Variants in TNS3 observed in about 807,000 individuals in gnomAD.
The protein encoded by TNS3 is tensin 3, also known as tensin-3.
Under a neutral mutation model 140.9 loss-of-function variants are expected in TNS3, and 45 were observed. That is an observed-to-expected ratio of 0.32 (90% CI 0.25 to 0.41). The LOEUF (loss-of-function observed/expected upper bound fraction) is 0.41. Ranked by LOEUF, TNS3 falls within the 10% of genes least tolerant of loss-of-function variation. The probability of loss-of-function intolerance (pLI) is 1.00; values close to 1 mark genes in which losing one functional copy is unlikely to be tolerated. For synonymous variants in TNS3, 815 were observed against 788.4 expected, an observed-to-expected ratio of 1.03 and a Z score of -0.56; for missense variants, 1,716 against 1,906.7, an observed-to-expected ratio of 0.90 and a Z score of 1.86.
At chr7:47,347,434 C>T (rs1332739471) in intron 17 of TNS3, among the ~76,000 whole-genome samples, 1 of 152,152 alleles carries the variant, frequency 6.6e-6, no homozygotes, top group African/African-American at 2.4e-5. Context: ...GAAGGTTCCA[C>T]AGAGAGCGAC....
At chr7:47,285,904 T>C (rs925062148) in intron 27 of TNS3, among the ~76,000 whole-genome samples, 2 of 152,050 alleles carry the variant, frequency 1.3e-5, no homozygotes, top group Non-Finnish European at 2.9e-5. Flanking sequence ...CATGGCAGCA[T>C]GGAAAGACGT....
Position 47,509,367 on chromosome 7 carries a change from C to A in TNS3, c.-152-2423G>T, listed in dbSNP as rs115499715. On this transcript the variant is annotated intron_variant, in intron 2 of 30. Transcript: ENST00000311160. ...GGACTAGGACTTCACACTCGATTGT[C>A]AGCAGCATGGATAATCCTCAGAGTA... 6.5e-3 allele frequency among the ~76,000 whole-genome samples: 993 copies of A among 152,328 alleles called. 16 individuals are homozygous for A. Among genetic ancestry groups the A allele is most frequent in the African/African-American group, 0.023 (947 of 41,570 alleles).
chr7:47,291,930 T>C, intron 27 of TNS3, 25 bp downstream of exon 27: 1 of 1,612,970 alleles, frequency 6.2e-7, no homozygotes, highest in Non-Finnish European at 8.5e-7. Flanking sequence ...TCACCAGATG[T>C]AGAAATGGAG....
At chr7:47,497,662 AACAC>A (rs6150097) in intron 3 of TNS3, among the ~76,000 whole-genome samples, 60 of 91,218 alleles carry the variant, frequency 6.6e-4, no homozygotes, top group African/African-American at 1.0e-3. Flanking sequence ...TCACGTATGG[AACAC>A]ACACACACAC....
At chr7:47,574,967 A>C (rs560515305) in intron 1 of TNS3, among the ~76,000 whole-genome samples, 1 of 152,278 alleles carries the variant, frequency 6.6e-6, no homozygotes, top group East Asian at 1.9e-4. Flanking sequence ...GAAGGTTCTT[A>C]ATGTCGCCTA....
chr7:47,307,035 G>A (rs1372302056), intron 20 of TNS3, among the ~76,000 whole-genome samples: 1 of 151,954 alleles, frequency 6.6e-6, no homozygotes, highest in African/African-American at 2.4e-5. Context: ...TATATATTGA[G>A]GTATAACTAA....
chr7:47,302,373 C>A, intron 22 of TNS3, 101 bp from the exon 23 acceptor site: 4 of 951,596 alleles, frequency 4.2e-6, no homozygotes, highest in South Asian at 2.8e-5. Context: ...ATGCCAAGGG[C>A]AAGCAAGCGA....
chr7:47,388,954 ACAGAAGAAGCAGAAG>A (rs1287595732), intron 16 of TNS3, among the ~76,000 whole-genome samples: 2 of 140,220 alleles, frequency 1.4e-5, no homozygotes, highest in Non-Finnish European at 3.2e-5. Context: ...AGAAGCAGAA[ACAGAAGAAGCAGAAG>A]CAGAAGAAGC....
intron 16 of TNS3, among the ~76,000 whole-genome samples, chr7:47,383,788 C>T (rs1186933569): frequency 6.6e-6 from 1 of 152,154 alleles, no homozygotes; most frequent in Non-Finnish European, 1.5e-5. Flanking sequence ...CTTCTGTGCA[C>T]TGGTCACCGG....
chr7:47,509,165 T>A (rs553779588), intron 2 of TNS3, among the ~76,000 whole-genome samples: 62 of 152,332 alleles, frequency 4.1e-4, no homozygotes, highest in Non-Finnish European at 8.5e-4. Context: ...GATACATTCA[T>A]GGTGGGTGGC....
At chr7:47,322,336 A>C (rs747411318) in intron 20 of TNS3, among the ~76,000 whole-genome samples, 17 of 152,108 alleles carry the variant, frequency 1.1e-4, no homozygotes, top group Non-Finnish European at 2.1e-4. Flanking sequence ...AGCCTGACCA[A>C]CATGGTGAAA....
chr7:47,457,437 C>G (rs976597370), intron 4 of TNS3, among the ~76,000 whole-genome samples: 1 of 152,036 alleles, frequency 6.6e-6, no homozygotes, highest in South Asian at 2.1e-4. Context: ...CTTCCACACA[C>G]GTCATGGATA....
At chr7:47,478,917 G>A (rs755455073) in intron 4 of TNS3, among the ~76,000 whole-genome samples, 13 of 142,672 alleles carry the variant, frequency 9.1e-5, no homozygotes, top group African/African-American at 2.1e-4. Flanking sequence ...GTATTTGTAC[G>A]CACAACAATT....
intron 1 of TNS3, among the ~76,000 whole-genome samples, chr7:47,564,193 C>CAAAAAA (rs57005793): frequency 3.1e-5 from 3 of 97,936 alleles, no homozygotes; most frequent in African/African-American, 8.0e-5. Context: ...GACTCTGTCT[C>CAAAAAA]AAAAAAAAAA....
At chr7:47,278,350 AGCACCCTGCTGGCCACCTGTTCAT>A in intron 30 of TNS3, 130 bp from the exon 31 acceptor site, 1 of 1,067,396 alleles carries the variant, frequency 9.4e-7, no homozygotes, top group Admixed American at 2.7e-5. Flanking sequence ...CCACGTGCCC[AGCACCCTGCTGGCCACCTGTTCAT>A]GCACTTTACC....
At chr7:47,472,287 C>G (rs892041706) in intron 4 of TNS3, among the ~76,000 whole-genome samples, 3 of 152,222 alleles carry the variant, frequency 2.0e-5, no homozygotes, top group Non-Finnish European at 2.9e-5. Flanking sequence ...CACAACTCAA[C>G]CCCCTGTACC....
intron 6 of TNS3, among the ~76,000 whole-genome samples, chr7:47,438,842 G>A (rs1795319470): frequency 6.6e-6 from 1 of 152,180 alleles, no homozygotes; most frequent in Non-Finnish European, 1.5e-5. Context: ...TAACAAGGCA[G>A]GTAGAGAGAG....
At chr7:47,477,048 G>A (rs896704050) in intron 4 of TNS3, among the ~76,000 whole-genome samples, 1 of 152,130 alleles carries the variant, frequency 6.6e-6, no homozygotes, top group Non-Finnish European at 1.5e-5. Flanking sequence ...TGTCTTAAAT[G>A]CCCCGGGGAG....
intron 1 of TNS3, among the ~76,000 whole-genome samples, chr7:47,537,009 C>G (rs1799623003): frequency 6.6e-6 from 1 of 151,992 alleles, no homozygotes; most frequent in Non-Finnish European, 1.5e-5. Flanking sequence ...GCCATGCACA[C>G]CAGCTCCGGG....
Sources: allele counts gnomAD v4.1 joint callset (sites outside exome capture counted in the v4.1 genomes callset), GRCh38; gene constraint gnomAD v4.1.1; transcripts MANE v1.5; gene names NCBI Gene and HGNC (gene_info 2026-07-23, HGNC 2026-07-21).